P4HB: variants seen among roughly 807,000 people sequenced by gnomAD.
P4HB encodes prolyl 4-hydroxylase subunit beta.
P4HB carries 20 observed loss-of-function variants against 52.6 expected under a neutral mutation model. The ratio of observed to expected loss-of-function variants is 0.38; its 90% CI spans 0.27 to 0.55. P4HB has a LOEUF of 0.55. Ranked by LOEUF, P4HB falls within the 20% of genes least tolerant of loss-of-function variation. The pLI, the probability that P4HB is intolerant of heterozygous loss-of-function variation, is 0.74. For missense variants in P4HB, 601 were observed against 669.2 expected (o/e 0.90, Z 1.12); for synonymous variants, 296 against 277.9 (o/e 1.07, Z -0.65).
chr17:81,852,818 G>A (rs1367117158), intron 4 of P4HB, among the ~76,000 whole-genome samples: 3 of 152,260 alleles, frequency 2.0e-5, no homozygotes, highest in East Asian at 1.9e-4. Flanking sequence ...AGCGGCCACT[G>A]CAGACATCCA....
chr17:81,845,196 C>G lies in P4HB; in HGVS notation c.1394G>C (p.Gly465Ala), dbSNP rs1200616218. The G allele has an allele frequency of 1.2e-6, 2 of 1,613,980 alleles. No homozygotes were observed. Among genetic ancestry groups the G allele is most frequent in the Non-Finnish European group, 1.7e-6 (2 of 1,179,912 alleles). ...ACCGCTCTCCAGGAATTTCTTAAAA[C>G]CATCCAGCGTGCGTTCCCCGTTGTA... Reference protein sequence around the residue: ...IDYNGERTLDGFKKFLESGGQ... With the variant: ...IDYNGERTLDAFKKFLESGGQ... Residue 465 changes from glycine to alanine, a missense_variant, in exon 10 of 11, where the codon GGT becomes GCT. By Grantham distance (60) the Gly-to-Ala change is moderately conservative. Coordinates refer to ENST00000331483, the MANE Select transcript of P4HB (RefSeq NM_000918.4).
chr17:81,855,348 G>T lies in P4HB; in HGVS notation c.487-69C>A, dbSNP rs2038896453. 2.5e-6 allele frequency: 4 copies of T among 1,606,918 alleles called. No homozygotes were observed. Among genetic ancestry groups the T allele is most frequent in the Non-Finnish European group, 3.4e-6 (4 of 1,174,862 alleles). On this transcript the variant is annotated intron_variant, in intron 3 of 10. Transcript: ENST00000331483. The surrounding 1 kb of genome is among the most constrained non-coding windows in gnomAD (Gnocchi z 4.3). ...ACCAAGCAGTAGGGCAGACCCTGTA[G>T]AGCCCAGGCCAGGGGGGACACGTGC...
chr17:81,844,465 AG>A (rs2038702238), intron 10 of P4HB, among the ~76,000 whole-genome samples: 1 of 152,188 alleles, frequency 6.6e-6, no homozygotes, highest in South Asian at 2.1e-4. Flanking sequence ...CATGAAGTCC[AG>A]GCACAGTCAC....
At chr17:81,844,240 T>C (rs1598262315) in intron 10 of P4HB, 148 bp from the exon 11 acceptor site, 2 of 721,860 alleles carry the variant, frequency 2.8e-6, no homozygotes, top group East Asian at 2.5e-5. Context: ...CCCTGGTCTT[T>C]ACGAGCTACA....
intron 4 of P4HB, among the ~76,000 whole-genome samples, chr17:81,850,672 G>A (rs2038816735): frequency 6.7e-6 from 1 of 149,004 alleles, no homozygotes; most frequent in Admixed American, 6.7e-5. Flanking sequence ...TATTAGAGAT[G>A]GGGTTTCTCC....
At chr17:81,845,368 CA>C in intron 9 of P4HB, 138 bp from the exon 10 acceptor site, 3 of 877,046 alleles carry the variant, frequency 3.4e-6, no homozygotes, top group Non-Finnish European at 3.6e-6. Context: ...ATTGGGAGTT[CA>C]AAAACAGCCT....
rs191986592 is a variant in P4HB at position 81,852,557 on chromosome 17, A to G, written c.624+2585T>C. Among the ~76,000 whole-genome samples, 627 of 152,360 alleles carry G rather than the reference A, an allele frequency of 4.1e-3. 2 individuals carry two copies. The highest frequency in any genetic ancestry group is 4.9e-3 in the Admixed American group (75 of 15,312). On this transcript the variant is annotated intron_variant, in intron 4 of 10. Coordinates refer to ENST00000331483, the MANE Select transcript of P4HB (RefSeq NM_000918.4). Reference sequence around the variant, plus strand: ...CGGGCTTCTGCCCGGAGCTGCCTGCAACGACCACGTTCGCCATCACAGACA... The same window carrying G: ...CGGGCTTCTGCCCGGAGCTGCCTGCGACGACCACGTTCGCCATCACAGACA...
rs936379676 is a variant in P4HB, at chr17:81,859,315, T to C, written c.218A>G (p.Glu73Gly). Residue 73 changes from glutamate to glycine, a missense_variant, in exon 2 of 11, where the codon GAA (glutamate) becomes GGA (glycine). Physicochemically the swap from Glu to Gly is moderately conservative, Grantham distance 98. Coordinates refer to ENST00000331483, the MANE Select transcript of P4HB (RefSeq NM_000918.4). ...CTTGGCCAACCTGATCTCGGAACCT[T>C]CTGCCTTCAGCTTCCCAGCGGCTTT... ...YAKAAGKLKA[E>G]GSEIRLAKVD... 14 of 1,613,824 alleles carry C rather than the reference T, an allele frequency of 8.7e-6. No individual in the cohort carries two copies. Among genetic ancestry groups the C allele is most frequent in the Non-Finnish European group, 1.2e-5 (14 of 1,180,012 alleles).
chr17:81,859,532 G>A, intron 1 of P4HB, 145 bp from the exon 2 acceptor site: 2 of 693,762 alleles, frequency 2.9e-6, no homozygotes, highest in South Asian at 3.6e-5. Context: ...AACGCACAAG[G>A]CTGAGCTGAT....
chr17:81,850,903 C>T (rs909792692), intron 4 of P4HB, among the ~76,000 whole-genome samples: 5 of 151,914 alleles, frequency 3.3e-5, no homozygotes, highest in African/African-American at 1.2e-4. Context: ...GCTGGGATCA[C>T]AGGTGTGAGC....
Position 81,855,593 on chromosome 17 carries a change from C to T in P4HB, c.353-7G>A. ...TCATCAGCCTCTCTGCCAGCTAACC[C>T]CAAACAAATGTAGGTTCTACTCTCA... On this transcript the variant is annotated splice_polypyrimidine_tract_variant and splice_region_variant and intron_variant, in intron 2 of 10. Coordinates refer to ENST00000331483, the MANE Select transcript of P4HB (RefSeq NM_000918.4). This position sits in a 1 kb window ranked among gnomAD's most constrained non-coding sequence, Gnocchi z 4.3. The T allele has an allele frequency of 1.9e-6, 3 of 1,612,060 alleles. No homozygotes were observed. Among genetic ancestry groups the T allele is most frequent in the Non-Finnish European group, 8.5e-7 (1 of 1,178,938 alleles).
At position 81,855,064 on chromosome 17, in the gene P4HB, A is replaced by T; in HGVS notation, c.624+78T>A. On this transcript the variant is annotated intron_variant, in intron 4 of 10. Coordinates refer to ENST00000331483, the MANE Select transcript of P4HB (RefSeq NM_000918.4). The surrounding 1 kb of genome is among the most constrained non-coding windows in gnomAD (Gnocchi z 4.3). ...AAGGTGCCAGGAGCAAGGTTCCCTT[A>T]ACGATAAGGAGAGCAACGCCACCCT... is the stretch of plus-strand genomic sequence containing the variant. 1 of 1,429,978 alleles carries T rather than the reference A, an allele frequency of 7.0e-7. No individual in the cohort carries two copies. Among genetic ancestry groups the T allele is most frequent in the Non-Finnish European group, 9.8e-7 (1 of 1,018,974 alleles). The allele number at this position is 1,429,978 out of a possible 1,614,324, so 88.6% of individuals were successfully genotyped here.
intron 2 of P4HB, among the ~76,000 whole-genome samples, chr17:81,857,484 A>C (rs1487577664): frequency 6.6e-6 from 1 of 152,200 alleles, no homozygotes; most frequent in Non-Finnish European, 1.5e-5. Flanking sequence ...TTTGACATGT[A>C]CATCCATCAA....
intron 4 of P4HB, among the ~76,000 whole-genome samples, chr17:81,851,610 A>G (rs1264985677): frequency 1.3e-5 from 2 of 152,184 alleles, no homozygotes; most frequent in Non-Finnish European, 2.9e-5. Context: ...TGTGCCCAGG[A>G]GTAACGCCGG....
At chr17:81,849,831 T>TA (rs2038800348) in intron 4 of P4HB, among the ~76,000 whole-genome samples, 1 of 146,574 alleles carries the variant, frequency 6.8e-6, no homozygotes, top group African/African-American at 2.4e-5. Context: ...AATTTATTTA[T>TA]TTTTTTATTT....
intron 4 of P4HB, among the ~76,000 whole-genome samples, chr17:81,854,342 C>T (rs2038880616): frequency 6.7e-6 from 1 of 149,510 alleles, no homozygotes; most frequent in African/African-American, 2.5e-5. Context: ...GAGTTCAAGA[C>T]CAGCCTGGAC....
chr17:81,845,783 G>A (rs1466598856), intron 8 of P4HB, 41 bp from the exon 9 acceptor site: 1 of 1,612,396 alleles, frequency 6.2e-7, no homozygotes, highest in East Asian at 2.2e-5. Context: ...TGGACACAAA[G>A]CCACTGGCAG....
rs143466710 is a variant in P4HB, at chr17:81,852,466, C to A, written c.624+2676G>T. On this transcript the variant is annotated intron_variant, in intron 4 of 10. Transcript: ENST00000331483. ...TGGAAAAGGAACAAGTTGGACTCAT[C>A]CTCTCAGCTGCGGGGTGAGCTCTGA... Among the ~76,000 whole-genome samples the A allele has an allele frequency of 1.2e-3, 180 of 152,364 alleles. 1 individual carries two copies. The Middle Eastern group carries it at 0.014, about 12-fold the overall frequency.
rs2038899571 is a variant in P4HB, at chr17:81,855,471, A to G, written c.468T>C (p.Ala156=). The G allele has an allele frequency of 6.2e-7, 1 of 1,612,970 alleles. No individual in the cohort carries two copies. Among genetic ancestry groups the G allele is most frequent in the Admixed American group, 1.7e-5 (1 of 59,912 alleles). The change falls in exon 3 of 11, where the codon GCT becomes GCC. Residue 156 remains alanine, a synonymous_variant. Transcript: ENST00000331483. This position sits in a 1 kb window ranked among gnomAD's most constrained non-coding sequence, Gnocchi z 4.3. ...AESLVESSEV[A]VIGFFKDVES... is the part of the protein sequence containing the mutation. ...TCTCTACCTTGAAGAAGCCGATGAC[A>G]GCCACCTCGCTGGACTCCACCAAGG...
Sources: allele counts gnomAD v4.1 joint callset (sites outside exome capture counted in the v4.1 genomes callset), GRCh38; gene constraint gnomAD v4.1.1; non-coding constraint Gnocchi (gnomAD v3.1); transcripts MANE v1.5; gene names NCBI Gene and HGNC (gene_info 2026-07-23, HGNC 2026-07-21).